The following TBL1Y variants were observed in gnomAD, a reference collection of about 807,000 sequenced individuals.
The protein encoded by TBL1Y is F-box-like/WD repeat-containing protein TBL1Y.
A neutral mutation model predicts 12.0 loss-of-function variants in TBL1Y; 15 were observed. That is an observed-to-expected ratio of 1.25 (90% CI 0.83 to 1.92). The LOEUF (loss-of-function observed/expected upper bound fraction) is 1.92. TBL1Y is among the 40% of genes most tolerant of loss of function. The pLI is 0.00. For synonymous variants in TBL1Y, 53 were observed against 42.6 expected (o/e 1.24, Z -0.95); for missense variants, 148 against 116.7 (o/e 1.27, Z -1.24).
chrY:6,993,476 T>A lies in TBL1Y; in HGVS notation c.-234-2328T>A, dbSNP rs777887086. Among the ~76,000 whole-genome samples, 21 of 31,170 alleles carry A rather than the reference T, an allele frequency of 6.7e-4. No individual in the cohort carries two copies. In the East Asian group the frequency reaches 0.018, roughly 27 times the overall value. The allele number at this position is 31,170 out of a possible 37,273, so 83.6% of individuals were successfully genotyped here. On this transcript the variant is annotated intron_variant, in intron 3 of 18. Coordinates refer to ENST00000383032, the MANE Select transcript of TBL1Y (RefSeq NM_033284.2). ...ATGTGTGCCATGGTCATTTGCTGCA[T>A]CTATCAACCCATCACCTAGGTATTA...
chrY:7,042,371 AT>A (rs2012727299), intron 6 of TBL1Y, among the ~76,000 whole-genome samples: 1 of 28,404 alleles, frequency 3.5e-5, no homozygotes, highest in Non-Finnish European at 8.3e-5. Context: ...CAAACTCTTT[AT>A]TGTCTGTTCT....
intron 2 of TBL1Y, among the ~76,000 whole-genome samples, chrY:6,940,048 G>C: frequency 1.1e-4 from 2 of 17,981 alleles, no homozygotes; most frequent in Non-Finnish European, 2.2e-4. Context: ...AGGAAATCGA[G>C]ACCATCCTGG....
chrY:6,925,275 G>A (rs1603025612), intron 2 of TBL1Y, among the ~76,000 whole-genome samples: 2 of 33,736 alleles, frequency 5.9e-5, no homozygotes, highest in Admixed American at 5.4e-4. Flanking sequence ...TAAAAAGAAG[G>A]TTGTGGATAT....
intron 3 of TBL1Y, among the ~76,000 whole-genome samples, chrY:6,983,499 C>T: frequency 6.0e-5 from 2 of 33,078 alleles, no homozygotes; most frequent in African/African-American, 1.2e-4. Context: ...TGTCATGATT[C>T]GTGGCTTCCA....
chrY:6,946,889 G>GA (rs2011988438), intron 2 of TBL1Y, among the ~76,000 whole-genome samples: 3 of 33,919 alleles, frequency 8.8e-5, no homozygotes, highest in Non-Finnish European at 1.5e-4. Flanking sequence ...GAGGGACAGA[G>GA]CTTCCAGGTC....
chrY:6,911,467 C>T (rs2011692596), intron 1 of TBL1Y, among the ~76,000 whole-genome samples: 1 of 34,410 alleles, frequency 2.9e-5, no homozygotes, highest in Admixed American at 2.5e-4. Flanking sequence ...AGCGCAGTCG[C>T]GCAGAGCGGG....
chrY:7,059,163 G>A (rs1000345643), intron 7 of TBL1Y, among the ~76,000 whole-genome samples: 1 of 32,164 alleles, frequency 3.1e-5, no homozygotes, highest in Admixed American at 2.9e-4. Context: ...ACTAATGCTC[G>A]GTCTGAGGAG....
chrY:6,973,832 G>A, intron 2 of TBL1Y, among the ~76,000 whole-genome samples: 2 of 33,356 alleles, frequency 6.0e-5, no homozygotes, highest in African/African-American at 1.2e-4. Context: ...TTCTGGTAGG[G>A]CCTAGCAGGG....
At chrY:6,928,060 G>A (rs2011839671) in intron 2 of TBL1Y, among the ~76,000 whole-genome samples, 3 of 33,355 alleles carry the variant, frequency 9.0e-5, no homozygotes, top group Non-Finnish European at 2.2e-4. Flanking sequence ...GAGCCCATTT[G>A]CTGAGAATAG....
chrY:6,917,739 T>C (rs2011744723), intron 2 of TBL1Y, among the ~76,000 whole-genome samples: 1 of 32,783 alleles, frequency 3.1e-5, no homozygotes, highest in Non-Finnish European at 7.5e-5. Context: ...CCTAGAGCCC[T>C]ACATGTAAGT....
At chrY:6,935,642 C>T in intron 2 of TBL1Y, among the ~76,000 whole-genome samples, 1 of 33,575 alleles carries the variant, frequency 3.0e-5, no homozygotes, top group Non-Finnish European at 7.3e-5. Context: ...ACACAGAGTA[C>T]AGTGCAGTGC....
At chrY:7,063,849 G>C (rs751759351) in intron 7 of TBL1Y, 48 bp from the exon 8 acceptor site, 2 of 394,850 alleles carry the variant, frequency 5.1e-6, no homozygotes, top group Non-Finnish European at 7.1e-6. Flanking sequence ...CATTCCCAGA[G>C]CCCTCACCCT....
Position 7,063,920 on chromosome Y carries a change from C to A in TBL1Y, c.228C>A (p.Arg76=), listed in dbSNP as rs2012932667. ...AGGATGGCACAGTGTTCGACAGCCG[C>A]CCTATAGAGTCCCTGTCCCTGATAG... ...INKDGTVFDS[R]PIESLSLIVA... Residue 76 remains arginine, a synonymous_variant, in exon 8 of 19, where the codon CGC becomes CGA. Transcript: ENST00000383032. 2.5e-6 allele frequency: 1 copy of A among 395,626 alleles called. No homozygotes were observed. The highest frequency in any genetic ancestry group is 3.5e-6 in the Non-Finnish European group (1 of 282,906).
chrY:7,075,269 C>T, intron 13 of TBL1Y, among the ~76,000 whole-genome samples: 1 of 33,443 alleles, frequency 3.0e-5, no homozygotes, highest in African/African-American at 1.2e-4. Context: ...TCTGTTATTC[C>T]ACGCAGTACT....
intron 7 of TBL1Y, among the ~76,000 whole-genome samples, chrY:7,062,251 G>T (rs2012876860): frequency 6.0e-5 from 2 of 33,451 alleles, no homozygotes; most frequent in Non-Finnish European, 1.5e-4. Context: ...TTCCCTACTT[G>T]TTATTAAGGG....
chrY:7,047,782 T>C (rs2012769193), intron 7 of TBL1Y, among the ~76,000 whole-genome samples: 1 of 20,165 alleles, frequency 5.0e-5, no homozygotes, highest in Admixed American at 4.5e-4. Flanking sequence ...TTTTTTGAGA[T>C]GGAGTCTTGC....
At chrY:6,976,031 C>G (rs984735451) in intron 2 of TBL1Y, among the ~76,000 whole-genome samples, 1 of 32,332 alleles carries the variant, frequency 3.1e-5, no homozygotes, top group East Asian at 8.3e-4. Context: ...CTCCTGGGTT[C>G]AAGCCATTCT....
chrY:6,985,543 G>T (rs2012310864), intron 3 of TBL1Y, among the ~76,000 whole-genome samples: 1 of 32,758 alleles, frequency 3.1e-5, no homozygotes, highest in African/African-American at 1.2e-4. Flanking sequence ...TGCATTGTAT[G>T]CTCATGCACG....
At chrY:7,077,067 T>C in intron 13 of TBL1Y, among the ~76,000 whole-genome samples, 1 of 32,282 alleles carries the variant, frequency 3.1e-5, no homozygotes, top group African/African-American at 1.2e-4. Context: ...ATTGCAGCCG[T>C]ACACATCTAC....
Sources: gnomAD v4.1 joint callset for allele counts (sites outside exome capture counted in the v4.1 genomes callset) on GRCh38, gnomAD v4.1.1 for gene constraint, MANE v1.5 for transcripts, NCBI Gene and HGNC (gene_info 2026-07-23, HGNC 2026-07-21) for gene names.